Variants in DIPK2B observed in about 807,000 individuals in gnomAD.
DIPK2B encodes the protein UPF0672 protein CXorf36.
Under a neutral mutation model 22.2 loss-of-function variants are expected in DIPK2B, and 15 were observed. The observed-to-expected ratio is 0.68, with a 90% CI of 0.45 to 1.04. The LOEUF is 1.04. DIPK2B is among the 50% of genes least tolerant of loss of function. The probability of loss-of-function intolerance (pLI) is 0.00; values close to 1 mark genes in which losing one functional copy is unlikely to be tolerated. For synonymous variants in DIPK2B, 163 were observed against 153.2 expected, an observed-to-expected ratio of 1.06 and a Z score of -0.47; for missense variants, 345 against 348.3, an observed-to-expected ratio of 0.99 and a Z score of 0.08.
intron 1 of DIPK2B, among the ~76,000 whole-genome samples, chrX:45,197,198 T>G (rs1164799899): frequency 3.6e-5 from 4 of 110,410 alleles, no homozygotes; most frequent in Non-Finnish European, 5.7e-5. Flanking sequence ...CACCTTTTTT[T>G]TTTTTTGAGA....
intron 4 of DIPK2B, among the ~76,000 whole-genome samples, chrX:45,152,921 ACT>A (rs1366492566): frequency 9.0e-6 from 1 of 111,524 alleles, no homozygotes; most frequent in African/African-American, 3.3e-5. Flanking sequence ...ACAGAGTGAG[ACT>A]CTGTCTCAAA....
intron 1 of DIPK2B, among the ~76,000 whole-genome samples, chrX:45,196,125 G>T (rs1227530197): frequency 8.9e-6 from 1 of 112,615 alleles, no homozygotes; most frequent in Non-Finnish European, 1.9e-5. Context: ...GTTCAGCAGA[G>T]TACCAAGTTA....
intron 2 of DIPK2B, among the ~76,000 whole-genome samples, chrX:45,176,268 T>C (rs1357318112): frequency 9.7e-6 from 1 of 102,749 alleles, no homozygotes; most frequent in Non-Finnish European, 1.9e-5. Flanking sequence ...GTGAGCCTCA[T>C]GAGTTTCCAC....
intron 2 of DIPK2B, among the ~76,000 whole-genome samples, chrX:45,174,137 A>G (rs1176072356): frequency 9.0e-6 from 1 of 111,718 alleles, no homozygotes; most frequent in East Asian, 2.8e-4. Flanking sequence ...CAGGTCTGTC[A>G]CTAGGCTCAA....
rs182977348 is a variant in DIPK2B, at chrX:45,151,747, C to T, written c.1207G>A (p.Ala403Thr). 90 of 1,210,251 alleles carry T rather than the reference C, an allele frequency of 7.4e-5. No homozygotes were observed. The highest frequency in any genetic ancestry group is 9.3e-5 in the Non-Finnish European group (83 of 895,209). ...CTCAAGATGTCTTTCAGCTGGCTGG[C>T]GGCCCCAAGGACTTCTGGGTCTGGG... ...IRPDPEVLGA[A>T]SQLKDILRPL... The change falls in exon 5 of 5, where the codon GCC becomes ACC. Residue 403 changes from alanine (A) to threonine (T), a missense_variant. Physicochemically the swap from Ala to Thr is moderately conservative, Grantham distance 58. Coordinates refer to ENST00000398000, the MANE Select transcript of DIPK2B (RefSeq NM_176819.4).
intron 2 of DIPK2B, among the ~76,000 whole-genome samples, chrX:45,172,643 TC>T (rs1284753678): frequency 8.9e-6 from 1 of 111,811 alleles, no homozygotes; most frequent in Non-Finnish European, 1.9e-5. Context: ...TCAAAGATTT[TC>T]ACTGTGGCAG....
At chrX:45,154,514 C>T (rs2046982388) in intron 3 of DIPK2B, among the ~76,000 whole-genome samples, 1 of 110,721 alleles carries the variant, frequency 9.0e-6, no homozygotes, top group Admixed American at 9.7e-5. Context: ...ATGGCAATGC[C>T]CCATCCCTCC....
intron 4 of DIPK2B, among the ~76,000 whole-genome samples, chrX:45,153,474 T>TTGTGTGTGTGTGTGTGTGTGTG (rs34281975): frequency 1.4e-5 from 1 of 73,853 alleles, no homozygotes; most frequent in African/African-American, 5.2e-5. Flanking sequence ...CCCAAAAGTT[T>TTGTGTGTGTGTGTGTGTGTGTG]TGTGTGTGTG....
At chrX:45,163,058 G>T in intron 2 of DIPK2B, 1 of 441,504 alleles carries the variant, frequency 2.3e-6, no homozygotes, top group Non-Finnish European at 2.8e-6. Flanking sequence ...TCTAGGTGTT[G>T]CTGTGAAGGC....
At chrX:45,173,184 A>G (rs1426278437) in intron 2 of DIPK2B, among the ~76,000 whole-genome samples, 1 of 112,039 alleles carries the variant, frequency 8.9e-6, no homozygotes, top group Non-Finnish European at 1.9e-5. Context: ...TGCTTGACAC[A>G]TTACAAAGCT....
intron 2 of DIPK2B, among the ~76,000 whole-genome samples, chrX:45,176,432 A>C (rs2047118767): frequency 8.9e-6 from 1 of 112,205 alleles, no homozygotes; most frequent in Admixed American, 9.4e-5. Context: ...TTTATATTCT[A>C]CAGTCCCTTC....
chrX:45,157,843 C>A lies in DIPK2B; in HGVS notation c.544G>T (p.Asp182Tyr), dbSNP rs1475921308. The A allele has an allele frequency of 9.4e-6, 11 of 1,164,167 alleles. No homozygotes were observed. The highest frequency in any genetic ancestry group is 1.1e-5 in the Non-Finnish European group (10 of 873,011). ...LLRCPSQRLL[D>Y]RVVRRYAEVA... ...TCTGCATAGCGCCTGACCACGCGAT[C>A]CAGGAGTCGCTGCGAAGGGCAGCGC... is the stretch of plus-strand genomic sequence containing the variant. Residue 182 changes from aspartate to tyrosine, a missense_variant, in exon 3 of 5, where the codon GAT (aspartate) becomes TAT (tyrosine). Physicochemically the swap from Asp to Tyr is radical, Grantham distance 160. Transcript: ENST00000398000.
chrX:45,180,800 T>A (rs1263439081), intron 2 of DIPK2B, among the ~76,000 whole-genome samples: 1 of 111,954 alleles, frequency 8.9e-6, no homozygotes, highest in Non-Finnish European at 1.9e-5. Flanking sequence ...TCATACATAC[T>A]TATGATAAAG....
chrX:45,182,347 A>G (rs2047159553), intron 2 of DIPK2B, among the ~76,000 whole-genome samples: 1 of 112,038 alleles, frequency 8.9e-6, no homozygotes, highest in South Asian at 3.7e-4. Context: ...CCATACAATG[A>G]TATACTGCCA....
intron 2 of DIPK2B, among the ~76,000 whole-genome samples, chrX:45,190,558 T>G (rs1465659370): frequency 8.9e-6 from 1 of 112,076 alleles, no homozygotes; most frequent in Non-Finnish European, 1.9e-5. Context: ...CCAGAGCTTG[T>G]GTCTGATTCA....
intron 3 of DIPK2B, among the ~76,000 whole-genome samples, chrX:45,155,961 C>T (rs200778722): frequency 3.6e-5 from 2 of 55,258 alleles, no homozygotes; most frequent in African/African-American, 7.3e-5. Flanking sequence ...AAGGGGACCT[C>T]TTTTTTTTTT....
In DIPK2B at chrX:45,149,508, C is replaced by T. The variant is rs1211707040; in HGVS notation, c.*2144G>A. 1 of 113,293 alleles carries T rather than the reference C, an allele frequency of 8.8e-6. No individual in the cohort carries two copies. Among genetic ancestry groups the T allele is most frequent in the Non-Finnish European group, 1.9e-5 (1 of 53,408 alleles). The allele number at this position is 113,293 out of a possible 1,213,427, so 9.3% of individuals were successfully genotyped here. A position where few individuals can be genotyped will look rare whatever the true frequency, so the allele number is the denominator to read the frequency against. On this transcript the variant is annotated 3_prime_UTR_variant, in exon 5 of 5. Coordinates refer to ENST00000398000, the MANE Select transcript of DIPK2B (RefSeq NM_176819.4). ...GCCCTGGGGCAATGCCCGTAGCAGTCAAGAGACAAACCCAAAAGGGAACTA... is the reference window on the plus strand; with the variant it reads ...GCCCTGGGGCAATGCCCGTAGCAGTTAAGAGACAAACCCAAAAGGGAACTA...
chrX:45,183,953 C>T (rs1289701964), intron 2 of DIPK2B, among the ~76,000 whole-genome samples: 2 of 111,275 alleles, frequency 1.8e-5, no homozygotes, highest in Admixed American at 9.5e-5. Context: ...TGGGGTGATA[C>T]GGGGTATGAT....
rs376081979 is a variant in DIPK2B at position 45,153,941 on chromosome X, G to A, written c.930C>T (p.Ala310=). The A allele has an allele frequency of 3.3e-6, 4 of 1,207,993 alleles. No homozygotes were observed. Among genetic ancestry groups the A allele is most frequent in the African/African-American group, 1.8e-5 (1 of 56,694 alleles). ...FNNGHLFIRD[A]SAVGVIDKQE... ...GCTTGTCGATGACGCCCACTGCACTGGCATCCCGGATGAACAGATGCCCGT... is the reference window on the plus strand; with the variant it reads ...GCTTGTCGATGACGCCCACTGCACTAGCATCCCGGATGAACAGATGCCCGT... Residue 310 remains alanine, a synonymous_variant, in exon 4 of 5, where the codon GCC becomes GCT. Coordinates refer to ENST00000398000, the MANE Select transcript of DIPK2B (RefSeq NM_176819.4).
Sources: gnomAD v4.1 joint callset for allele counts (sites outside exome capture counted in the v4.1 genomes callset) on GRCh38, gnomAD v4.1.1 for gene constraint, MANE v1.5 for transcripts, NCBI Gene and HGNC (gene_info 2026-07-23, HGNC 2026-07-21) for gene names.